Variants in ZP1 observed in about 807,000 individuals in gnomAD.
ZP1 encodes the protein zona pellucida sperm-binding protein 1.
ZP1 carries 58 observed loss-of-function variants against 67.4 expected under a neutral mutation model. The observed-to-expected ratio is 0.86, with a 90% CI of 0.70 to 1.07. The LOEUF (loss-of-function observed/expected upper bound fraction) is 1.07. Among genes scored for constraint, ZP1 ranks in the 50% least tolerant of loss-of-function variants. The pLI is 0.00. For synonymous variants in ZP1, 333 were observed against 332.7 expected, an observed-to-expected ratio of 1.00 and a Z score of -0.01; for missense variants, 759 against 807.3, an observed-to-expected ratio of 0.94 and a Z score of 0.72.
At position 60,867,661 on chromosome 11, in the gene ZP1, C is replaced by T; in HGVS notation, c.100C>T (p.Leu34Phe). 1 of 1,614,052 alleles carries T rather than the reference C, an allele frequency of 6.2e-7. No individual in the cohort carries two copies. Among genetic ancestry groups the T allele is most frequent in the Non-Finnish European group, 8.5e-7 (1 of 1,179,960 alleles). ...TAGGTGGCTCCAGCCCGACCCTGGCCTCCCAGGCCTCCGGCACAGCTACGA... is the reference window on the plus strand; with the variant it reads ...TAGGTGGCTCCAGCCCGACCCTGGCTTCCCAGGCCTCCGGCACAGCTACGA... ...LGRWLQPDPGLPGLRHSYDCG... is the reference protein window; with the variant it reads ...LGRWLQPDPGFPGLRHSYDCG... Residue 34 changes from leucine (L) to phenylalanine (F), a missense_variant, in exon 1 of 12, where the codon CTC (leucine) becomes TTC (phenylalanine). By Grantham distance (22) the Leu-to-Phe change is conservative (BLOSUM62 0). Coordinates refer to ENST00000278853, the MANE Select transcript of ZP1 (RefSeq NM_207341.4).
At chr11:60,873,140 C>T (rs1565104019) in intron 6 of ZP1, 22 bp from the exon 7 acceptor site, 1 of 1,527,214 alleles carries the variant, frequency 6.5e-7, no homozygotes. Flanking sequence ...TTCTCCCCCA[C>T]CCTCTTGCAC....
Position 60,873,482 on chromosome 11 carries a change from C to T in ZP1, c.1348C>T (p.Leu450=). ...GCTTCTGCAGAGGACAGACCCCAAC[C>T]TGGTCCTGCTGCTGCACCAGTGCTG... ...VRLLQRTDPN[L]VLLLHQCWGA... is the part of the protein sequence containing the mutation. Residue 450 remains leucine (L), a synonymous_variant, in exon 8 of 12, where the codon CTG becomes TTG. Coordinates refer to ENST00000278853, the MANE Select transcript of ZP1 (RefSeq NM_207341.4). 6.2e-7 allele frequency: 1 copy of T among 1,613,732 alleles called. No individual in the cohort carries two copies. Among genetic ancestry groups the T allele is most frequent in the Non-Finnish European group, 8.5e-7 (1 of 1,179,822 alleles).
chr11:60,869,816 G>A lies in ZP1; in HGVS notation c.598G>A (p.Gly200Arg), dbSNP rs1160498391. The change falls in exon 3 of 12, where the codon GGA becomes AGA. Residue 200 changes from glycine to arginine, a missense_variant. Gly to Arg is a moderately radical substitution (Grantham distance 125, BLOSUM62 -2). Coordinates refer to ENST00000278853, the MANE Select transcript of ZP1 (RefSeq NM_207341.4). Reference protein sequence around the residue: ...VHPTPALPSPGPGPTLATLAQ... With the variant: ...VHPTPALPSPRPGPTLATLAQ... ...CCCAACCCCTGCTTTACCATCCCCTGGACCTGGACCTACCCTCGCCACCCT... is the reference window on the plus strand; with the variant it reads ...CCCAACCCCTGCTTTACCATCCCCTAGACCTGGACCTACCCTCGCCACCCT... The A allele has an allele frequency of 6.2e-7, 1 of 1,612,240 alleles. No homozygotes were observed. The highest frequency in any genetic ancestry group is 8.5e-7 in the Non-Finnish European group (1 of 1,179,070).
rs1214279556 is a variant in ZP1 at position 60,873,497 on chromosome 11, C to T, written c.1363C>T (p.His455Tyr). ...AGACCCCAACCTGGTCCTGCTGCTG[C>T]ACCAGTGCTGGGGCGCTCCCAGTGC... Reference protein sequence around the residue: ...RTDPNLVLLLHQCWGAPSANP... With the variant: ...RTDPNLVLLLYQCWGAPSANP... Residue 455 changes from histidine to tyrosine, a missense_variant, in exon 8 of 12, where the codon CAC becomes TAC. His to Tyr is a moderately conservative substitution (Grantham distance 83). Transcript: ENST00000278853. The T allele has an allele frequency of 2.5e-6, 4 of 1,613,586 alleles. No homozygotes were observed. The highest frequency in any genetic ancestry group is 1.7e-5 in the Admixed American group (1 of 60,024).
chr11:60,868,039 C>CT (rs3044654), intron 1 of ZP1, among the ~76,000 whole-genome samples: 81,847 of 140,346 alleles, frequency 0.58, 25,314 homozygotes, highest in East Asian at 0.94. Context: ...CATTTCTTTT[C>CT]TTTTTTTTTT....
At chr11:60,869,118 C>G in intron 1 of ZP1, 27 bp from the exon 2 acceptor site, 2 of 1,614,000 alleles carry the variant, frequency 1.2e-6, no homozygotes, top group South Asian at 1.1e-5. Context: ...TTCAACATCC[C>G]TGGCCCCTCC....
chr11:60,869,986 A>G (rs930996686), intron 3 of ZP1, 86 bp downstream of exon 3: 51 of 1,432,416 alleles, frequency 3.6e-5, no homozygotes, highest in Non-Finnish European at 4.0e-5. Flanking sequence ...CTGGGCTCTA[A>G]GCCATTTCTT....
chr11:60,872,049 G>C (rs1855582116), intron 6 of ZP1, among the ~76,000 whole-genome samples: 1 of 152,186 alleles, frequency 6.6e-6, no homozygotes, highest in East Asian at 1.9e-4. Flanking sequence ...GCAGGGGACT[G>C]TGTCACAGTT....
chr11:60,873,585 C>T, intron 8 of ZP1, 21 bp downstream of exon 8: 1 of 1,613,826 alleles, frequency 6.2e-7, no homozygotes, highest in Non-Finnish European at 8.5e-7. Context: ...CCACACTCCC[C>T]CCACCTGCTC....
At chr11:60,875,478 C>T in intron 11 of ZP1, 36 bp from the exon 12 acceptor site, 1 of 1,610,342 alleles carries the variant, frequency 6.2e-7, no homozygotes, top group Admixed American at 1.7e-5. Context: ...GTTGGAGGGG[C>T]CTCACCCAGC....
intron 1 of ZP1, among the ~76,000 whole-genome samples, chr11:60,868,406 T>C (rs1855507511): frequency 6.6e-6 from 1 of 152,188 alleles, no homozygotes; most frequent in Admixed American, 6.5e-5. Flanking sequence ...CATAAACCAC[T>C]TCCAGCAGCA....
At position 60,867,550 on chromosome 11, in the gene ZP1, C is replaced by T. The variant is rs932491869; in HGVS notation, c.-12C>T. The T allele has an allele frequency of 2.5e-6, 4 of 1,603,798 alleles. No individual in the cohort carries two copies. Among genetic ancestry groups the T allele is most frequent in the African/African-American group, 1.3e-5 (1 of 74,684 alleles). On this transcript the variant is annotated 5_prime_UTR_variant, in exon 1 of 12. Transcript: ENST00000278853. ...GGTGGCGAGGGAGTAGGGGGTGTGT[C>T]TGTGGCGTCTCATGGCAGGAGGCTC...
chr11:60,869,860 C>A lies in ZP1; in HGVS notation c.642C>A (p.Gly214=). The A allele has an allele frequency of 6.3e-7, 1 of 1,585,986 alleles. No individual in the cohort carries two copies. Among genetic ancestry groups the A allele is most frequent in the Non-Finnish European group, 8.6e-7 (1 of 1,165,064 alleles). Reference sequence around the variant, plus strand: ...CCACCCTGGCTCAACCCCACTGGGGCACCTTGGAACACTGGGATGTGAACA... The same window carrying A: ...CCACCCTGGCTCAACCCCACTGGGGAACCTTGGAACACTGGGATGTGAACA... ...TLATLAQPHW[G]TLEHWDVNKR... The change falls in exon 3 of 12, where the codon GGC becomes GGA. Residue 214 remains glycine, a synonymous_variant. Coordinates refer to ENST00000278853, the MANE Select transcript of ZP1 (RefSeq NM_207341.4).
chr11:60,871,055 T>C lies in ZP1; in HGVS notation c.925T>C (p.Tyr309His), dbSNP rs570418555. ...CACACTGGCCAACATCCACCTGGCC[T>C]ATGCCCCCACCAGCTGCTCCCCAAC... ...RITLANIHLA[Y>H]APTSCSPTQH... The change falls in exon 5 of 12, where the codon TAT (tyrosine) becomes CAT (histidine). Residue 309 changes from tyrosine to histidine, a missense_variant. Coordinates refer to ENST00000278853, the MANE Select transcript of ZP1 (RefSeq NM_207341.4). 37 of 1,614,238 alleles carry C rather than the reference T, an allele frequency of 2.3e-5. No individual in the cohort carries two copies. The South Asian group carries it at 3.1e-4, about 13-fold the overall frequency.
intron 4 of ZP1, 136 bp from the exon 5 acceptor site, chr11:60,870,821 G>C: frequency 1.0e-6 from 1 of 1,000,054 alleles, no homozygotes; most frequent in Non-Finnish European, 1.5e-6. Context: ...GGTTTGCTGG[G>C]GCCAACACCA....
chr11:60,870,828 A>T (rs1855552527), intron 4 of ZP1, 129 bp from the exon 5 acceptor site: 1 of 1,079,428 alleles, frequency 9.3e-7, no homozygotes, highest in African/African-American at 1.6e-5. Flanking sequence ...TGGGGCCAAC[A>T]CCAGCCTAAG....
intron 10 of ZP1, 21 bp from the exon 11 acceptor site, chr11:60,875,108 T>G: frequency 6.2e-7 from 1 of 1,613,654 alleles, no homozygotes; most frequent in South Asian, 1.1e-5. Flanking sequence ...CAGCCCAAGA[T>G]TTCATTCTTC....
chr11:60,870,145 C>A (rs1466696031), intron 3 of ZP1, among the ~76,000 whole-genome samples, 187 bp from the exon 4 acceptor site: 1 of 152,188 alleles, frequency 6.6e-6, no homozygotes, highest in Non-Finnish European at 1.5e-5. Context: ...TCATTGAAAC[C>A]ATTGCCAGCA....
At position 60,872,997 on chromosome 11, in the gene ZP1, C is replaced by T. The variant is rs1000809029; in HGVS notation, c.1113-165C>T. 9 of 780,650 alleles carry T rather than the reference C, an allele frequency of 1.2e-5. No individual in the cohort carries two copies. The African/African-American group carries it at 1.2e-4, about 10-fold the overall frequency. The allele number at this position is 780,650 out of a possible 1,614,324, so 48.4% of individuals were successfully genotyped here. A position where few individuals can be genotyped will look rare whatever the true frequency, so the allele number is the denominator to read the frequency against. On this transcript the variant is annotated intron_variant, in intron 6 of 11. Coordinates refer to ENST00000278853, the MANE Select transcript of ZP1 (RefSeq NM_207341.4). ...CAGAGGAATGGGCAGGGTGAGCTTC[C>T]TGAGCCTGCCTTGGAAATGCTGAGT...
Sources: allele counts gnomAD v4.1 joint callset (sites outside exome capture counted in the v4.1 genomes callset), GRCh38; gene constraint gnomAD v4.1.1; transcripts MANE v1.5; gene names NCBI Gene and HGNC (gene_info 2026-07-23, HGNC 2026-07-21).